The following DAB1 variants were observed in gnomAD, a reference collection of about 807,000 sequenced individuals.
DAB1 encodes disabled homolog 1.
In DAB1, 15 loss-of-function variants were observed where a neutral mutation model predicts 64.6. The ratio of observed to expected loss-of-function variants is 0.23; its 90% confidence interval spans 0.16 to 0.36. The LOEUF is 0.36. Among genes scored for constraint, DAB1 ranks in the 10% least tolerant of loss-of-function variants. DAB1 has a pLI of 1.00. For missense variants in DAB1, 596 were observed against 706.7 expected (o/e 0.84, Z 1.78); for synonymous variants, 235 against 251.9 (o/e 0.93, Z 0.64).
rs559674696 is a variant in DAB1, at chr1:58,498,670, A to G, written n.257+7390T>C. Reference sequence around the variant, plus strand: ...CATTTCAGCATTCCTTCTTGCCTATATAACTATGTTTCTTGAATTCTCTTT... The same window carrying G: ...CATTTCAGCATTCCTTCTTGCCTATGTAACTATGTTTCTTGAATTCTCTTT... On this transcript the variant is annotated intron_variant and non_coding_transcript_variant, in intron 3 of 20. Coordinates refer to the DAB1 transcript ENST00000485760. 5.3e-5 allele frequency among the ~76,000 whole-genome samples: 8 copies of G among 152,332 alleles called. No individual in the cohort carries two copies. The South Asian group carries it at 1.4e-3, about 28-fold the overall frequency.
At chr1:58,315,011 A>G (rs116179609) in intron 4 of DAB1, among the ~76,000 whole-genome samples, 1,803 of 152,348 alleles carry the variant, frequency 0.012, 35 homozygotes, top group African/African-American at 0.042. Flanking sequence ...ATCCAAGCCC[A>G]TGCTCTAAAA....
chr1:58,044,899 C>T (rs1046759706), intron 5 of DAB1, among the ~76,000 whole-genome samples: 1 of 152,008 alleles, frequency 6.6e-6, no homozygotes, highest in African/African-American at 2.4e-5. Context: ...TATTAATATT[C>T]CTCATGACAT....
intron 6 of DAB1, among the ~76,000 whole-genome samples, chr1:57,746,194 C>T (rs2406276): frequency 0.39 from 59,208 of 151,914 alleles, 11,780 homozygotes; most frequent in Admixed American, 0.44. Context: ...CTACTGTATA[C>T]GTGTGTGTAA....
At chr1:57,363,672 G>T (rs1679738724) in intron 1 of DAB1, among the ~76,000 whole-genome samples, 1 of 152,156 alleles carries the variant, frequency 6.6e-6, no homozygotes, top group African/African-American at 2.4e-5. Flanking sequence ...CCAGAAAAGG[G>T]AATAATGTAC....
chr1:57,427,056 G>T (rs1367010678), upstream of DAB1, among the ~76,000 whole-genome samples: 1 of 151,654 alleles, frequency 6.6e-6, no homozygotes, highest in African/African-American at 2.4e-5. Flanking sequence ...GTAGAGACGG[G>T]GTTTCACTGT....
intron 1 of DAB1, among the ~76,000 whole-genome samples, chr1:57,382,908 A>G (rs1223630326): frequency 6.6e-6 from 1 of 152,200 alleles, no homozygotes; most frequent in Admixed American, 6.5e-5. Flanking sequence ...ACAGGAATGC[A>G]TTCTTTATGT....
In DAB1 at chr1:57,462,974, G is replaced by A. The variant is rs560981714; in HGVS notation, n.626-171808C>T. Among the ~76,000 whole-genome samples, 7 of 152,148 alleles carry A rather than the reference G, an allele frequency of 4.6e-5. No homozygotes were observed. In the South Asian group the frequency reaches 1.0e-3, roughly 23 times the overall value. On this transcript the variant is annotated intron_variant and non_coding_transcript_variant, in intron 7 of 20. Coordinates refer to the DAB1 transcript ENST00000485760. Reference sequence around the variant, plus strand: ...AACCCCCAAACAAGAATGAGATCAAGATAAATAGATTAGTAGGGAAGTACC... The same window carrying A: ...AACCCCCAAACAAGAATGAGATCAAAATAAATAGATTAGTAGGGAAGTACC...
intron 4 of DAB1, among the ~76,000 whole-genome samples, chr1:58,257,408 G>A (rs1660956732): frequency 6.6e-6 from 1 of 152,194 alleles, no homozygotes; most frequent in Admixed American, 6.5e-5. Context: ...CATGCATCAG[G>A]GTGTGGGGCT....
chr1:58,431,419 G>C (rs868004223), intron 3 of DAB1, among the ~76,000 whole-genome samples: 5 of 151,804 alleles, frequency 3.3e-5, no homozygotes, highest in African/African-American at 1.2e-4. Flanking sequence ...TTAGCCGGGC[G>C]TGGTGGTGGG....
At chr1:57,709,597 AAAG>A (rs1302216086) in intron 6 of DAB1, among the ~76,000 whole-genome samples, 1 of 152,094 alleles carries the variant, frequency 6.6e-6, no homozygotes, top group Non-Finnish European at 1.5e-5. Context: ...GAAAGAAAAA[AAAG>A]AGCTCTCTTG....
At chr1:57,653,776 C>T (rs1646284080) in intron 6 of DAB1, among the ~76,000 whole-genome samples, 1 of 152,148 alleles carries the variant, frequency 6.6e-6, no homozygotes, top group African/African-American at 2.4e-5. Flanking sequence ...CCACGATCGG[C>T]TAATTTTTGT....
At chr1:58,406,256 A>AC (rs1300388893) in intron 3 of DAB1, among the ~76,000 whole-genome samples, 11 of 152,090 alleles carry the variant, frequency 7.2e-5, no homozygotes, top group African/African-American at 2.7e-4. Context: ...CCTGCAACAG[A>AC]CCGTAGGAGA....
intron 3 of DAB1, among the ~76,000 whole-genome samples, chr1:58,480,484 G>A (rs191486318): frequency 7.4e-4 from 113 of 152,168 alleles, no homozygotes; most frequent in Admixed American, 1.5e-3. Flanking sequence ...CACAGGTGAA[G>A]ACAAGGAAAT....
intron 2 of DAB1, among the ~76,000 whole-genome samples, chr1:57,250,523 T>G (rs1669257010): frequency 6.6e-6 from 1 of 152,198 alleles, no homozygotes; most frequent in African/African-American, 2.4e-5. Flanking sequence ...CTTAGTTTCT[T>G]TAGAGACATT....
chr1:57,014,820 C>T, intron 12 of DAB1, 63 bp downstream of exon 12: 3 of 1,400,466 alleles, frequency 2.1e-6, no homozygotes, highest in Non-Finnish European at 2.9e-6. Flanking sequence ...CTCCAGAAAC[C>T]CCGCCTCCAG....
At chr1:57,865,705 G>A (rs571837077) in intron 1 of DAB1, among the ~76,000 whole-genome samples, 26 of 152,252 alleles carry the variant, frequency 1.7e-4, no homozygotes, top group African/African-American at 6.0e-4. Context: ...CAACACATTT[G>A]TAATTATTTG....
At chr1:58,471,849 C>A (rs60454620) in intron 3 of DAB1, among the ~76,000 whole-genome samples, 5,705 of 152,232 alleles carry the variant, frequency 0.037, 244 homozygotes, top group African/African-American at 0.11. Flanking sequence ...AAGCTGATGC[C>A]ACCATGCTTC....
intron 5 of DAB1, among the ~76,000 whole-genome samples, chr1:57,935,952 C>T (rs916013736): frequency 1.3e-5 from 2 of 152,220 alleles, no homozygotes; most frequent in African/African-American, 4.8e-5. Context: ...AAAGGATGGG[C>T]TCAATTGTCA....
chr1:57,639,216 T>G (rs943499477), intron 7 of DAB1, among the ~76,000 whole-genome samples: 26 of 135,998 alleles, frequency 1.9e-4, no homozygotes, highest in Non-Finnish European at 2.8e-4. Context: ...CTTTAGTAAA[T>G]AACTTTATAA....
Sources: allele counts gnomAD v4.1 joint callset (sites outside exome capture counted in the v4.1 genomes callset), GRCh38; gene constraint gnomAD v4.1.1; transcripts MANE v1.5; gene names NCBI Gene and HGNC (gene_info 2026-07-23, HGNC 2026-07-21).